Variants in KCNE3 observed in about 807,000 individuals in gnomAD.
The protein encoded by KCNE3 is potassium voltage-gated channel subfamily E regulatory subunit 3.
A neutral mutation model predicts 4.3 loss-of-function variants in KCNE3; 2 were observed. That is an observed-to-expected ratio of 0.47 (90% confidence interval 0.19 to 1.48). The LOEUF is 1.48. KCNE3 is among the 40% of genes most tolerant of loss of function. The probability of loss-of-function intolerance (pLI) is 0.25; values close to 1 mark genes in which losing one functional copy is unlikely to be tolerated. For synonymous variants in KCNE3, 47 were observed against 52.0 expected (o/e 0.90, Z 0.41); for missense variants, 128 against 136.8 (o/e 0.94, Z 0.32).
At chr11:74,458,820 C>T (rs1053782956) in intron 2 of KCNE3, among the ~76,000 whole-genome samples, 2 of 150,108 alleles carry the variant, frequency 1.3e-5, no homozygotes, top group Admixed American at 6.7e-5. Flanking sequence ...GGCCACAGAG[C>T]GTGACTTTGT....
At chr11:74,460,600 C>T (rs576999042) in intron 2 of KCNE3, among the ~76,000 whole-genome samples, 9 of 152,202 alleles carry the variant, frequency 5.9e-5, no homozygotes, top group African/African-American at 1.7e-4. Context: ...AAAGGCAGAA[C>T]AAGAAAGTGT....
rs1363347874 is a variant in KCNE3, at chr11:74,457,075, A to G, written c.*177T>C. ...TCCTGGGAAAAAATCCTTATGCACA[A>G]GGCTTCGGTCTACCAGCCCCTCTTC... On this transcript the variant is annotated 3_prime_UTR_variant, in exon 3 of 3. Transcript: ENST00000310128. 1 of 654,628 alleles carries G rather than the reference A, an allele frequency of 1.5e-6. No homozygotes were observed. The highest frequency in any genetic ancestry group is 2.7e-6 in the Non-Finnish European group (1 of 370,098). The allele number at this position is 654,628 out of a possible 1,614,324, so 40.6% of individuals were successfully genotyped here.
chr11:74,465,870 C>G (rs925306822), intron 1 of KCNE3, among the ~76,000 whole-genome samples: 4 of 152,184 alleles, frequency 2.6e-5, no homozygotes, highest in African/African-American at 9.7e-5. Flanking sequence ...CCTTTTCTGT[C>G]TCCACATCTT....
At chr11:74,463,380 G>A (rs1045736453) in intron 1 of KCNE3, among the ~76,000 whole-genome samples, 8 of 152,136 alleles carry the variant, frequency 5.3e-5, no homozygotes, top group Admixed American at 2.6e-4. Flanking sequence ...AGGGCCTCCT[G>A]TCTGCGTTAG....
At position 74,457,321 on chromosome 11, in the gene KCNE3, G is replaced by C; in HGVS notation, c.243C>G (p.Arg81=). The C allele has an allele frequency of 6.2e-7, 1 of 1,614,232 alleles. No individual in the cohort carries two copies. Among genetic ancestry groups the C allele is most frequent in the South Asian group, 1.1e-5 (1 of 91,090 alleles). ...CACTACGCTTGTCCACTTTGCGGGA[G>C]CGGGTGTATCCCAGGATGAGGCTGC... The part of the protein sequence containing the change: ...TVGSLILGYT[R]SRKVDKRSDP... The change falls in exon 3 of 3, where the codon CGC becomes CGG. Residue 81 remains arginine, a synonymous_variant. Transcript: ENST00000310128.
intron 2 of KCNE3, among the ~76,000 whole-genome samples, chr11:74,460,976 G>C (rs750922450): frequency 1.3e-5 from 2 of 152,104 alleles, no homozygotes; most frequent in Non-Finnish European, 2.9e-5. Flanking sequence ...AGAGACAGTC[G>C]TAAGACCTGA....
At position 74,455,535 on chromosome 11, in the gene KCNE3, A is replaced by G. The variant is rs1863790247; in HGVS notation, c.*1717T>C. The G allele has an allele frequency of 6.6e-6, 1 of 152,180 alleles. No homozygotes were observed. The highest frequency in any genetic ancestry group is 6.5e-5 in the Admixed American group (1 of 15,280). The allele number at this position is 152,180 out of a possible 1,614,324, so 9.4% of individuals were successfully genotyped here. The stretch of plus-strand genomic sequence containing the variant: ...TGTCAGAACTGATAGAGCCTTAGAG[A>G]CTTTCAAGTCTATTTCATTATGTTG... On this transcript the variant is annotated 3_prime_UTR_variant, in exon 3 of 3. Transcript: ENST00000310128.
chr11:74,456,166 A>G lies in KCNE3; in HGVS notation c.*1086T>C, dbSNP rs1026140671. The G allele has an allele frequency of 2.9e-5, 4 of 139,514 alleles. No homozygotes were observed. The highest frequency in any genetic ancestry group is 1.0e-4 in the African/African-American group (4 of 39,502). 8.6% of individuals were successfully genotyped at this position (139,514 alleles called of 1,614,324 possible). Reference sequence around the variant, plus strand: ...CCTGTCTCTACTTAAATATATATATATATATATATATATAAATTAACTGGG... The same window carrying G: ...CCTGTCTCTACTTAAATATATATATGTATATATATATATAAATTAACTGGG... On this transcript the variant is annotated 3_prime_UTR_variant, in exon 3 of 3. Transcript: ENST00000310128.
intron 2 of KCNE3, among the ~76,000 whole-genome samples, chr11:74,458,701 T>G (rs1029902123): frequency 1.3e-5 from 2 of 151,884 alleles, no homozygotes; most frequent in Non-Finnish European, 2.9e-5. Context: ...GGCGTGGTGG[T>G]GAGCGCTTGG....
chr11:74,461,120 T>C (rs780683887), intron 2 of KCNE3, among the ~76,000 whole-genome samples: 23 of 152,112 alleles, frequency 1.5e-4, no homozygotes, highest in Non-Finnish European at 2.8e-4. Flanking sequence ...TGGGTGGGCT[T>C]TGGTTTCCTC....
In KCNE3 at chr11:74,457,493, G is replaced by A. The variant is rs1217397704; in HGVS notation, c.71C>T (p.Thr24Ile). ...CCGGCAGAGCAAATTGCTGTGAAGA[G>A]TGGCATTTAGAGCCTTCAGCACGGC... ...LHAVLKALNA[T>I]LHSNLLCRPG... The change falls in exon 3 of 3, where the codon ACT (threonine) becomes ATT (isoleucine). Residue 24 changes from threonine (T) to isoleucine (I), a missense_variant. Thr to Ile is a moderately conservative substitution (Grantham distance 89). Transcript: ENST00000310128. The A allele has an allele frequency of 6.2e-7, 1 of 1,614,248 alleles. No individual in the cohort carries two copies. The highest frequency in any genetic ancestry group is 2.2e-5 in the East Asian group (1 of 44,888).
chr11:74,457,081 CG>C lies in KCNE3; in HGVS notation c.*170del. The stretch of plus-strand genomic sequence containing the variant: ...GAAAAAATCCTTATGCACAAGGCTT[CG>C]GTCTACCAGCCCCTCTTCTCCCACC... On this transcript the variant is annotated 3_prime_UTR_variant, in exon 3 of 3. Transcript: ENST00000310128. The C allele has an allele frequency of 1.5e-6, 1 of 674,398 alleles. No individual in the cohort carries two copies. Among genetic ancestry groups the C allele is most frequent in the South Asian group, 1.7e-5 (1 of 58,090 alleles). 41.8% of individuals were successfully genotyped at this position (674,398 alleles called of 1,614,324 possible). A position where few individuals can be genotyped will look rare whatever the true frequency, so the allele number is the denominator to read the frequency against.
chr11:74,463,614 G>C (rs752145420), intron 1 of KCNE3, among the ~76,000 whole-genome samples: 2 of 152,084 alleles, frequency 1.3e-5, no homozygotes, highest in Non-Finnish European at 2.9e-5. Context: ...TAGAAGATAG[G>C]CCAGTGAGGA....
At position 74,457,566 on chromosome 11, in the gene KCNE3, C is replaced by A. The variant is rs375178718; in HGVS notation, c.-3G>T. 2.9e-5 allele frequency: 47 copies of A among 1,613,892 alleles called. No individual in the cohort carries two copies. The South Asian group carries it at 4.6e-4, about 16-fold the overall frequency. On this transcript the variant is annotated 5_prime_UTR_variant, in exon 3 of 3. Transcript: ENST00000310128. ...TCCGTTCCATTGGTAGTCTCCATAGCAACAGGGATTGAGGTGGGGGAAGAC... is the reference window on the plus strand; with the variant it reads ...TCCGTTCCATTGGTAGTCTCCATAGAAACAGGGATTGAGGTGGGGGAAGAC...
At chr11:74,463,484 A>G (rs1017383203) in intron 1 of KCNE3, among the ~76,000 whole-genome samples, 9 of 152,072 alleles carry the variant, frequency 5.9e-5, no homozygotes, top group Non-Finnish European at 1.2e-4. Flanking sequence ...AGTCAGCAAC[A>G]GGGGAGTTTT....
chr11:74,457,512 G>A lies in KCNE3; in HGVS notation c.52C>T (p.Leu18=), dbSNP rs918843154. 2 of 1,614,202 alleles carry A rather than the reference G, an allele frequency of 1.2e-6. No individual in the cohort carries two copies. Among genetic ancestry groups the A allele is most frequent in the African/African-American group, 1.3e-5 (1 of 75,062 alleles). ...ETWYESLHAV[L]KALNATLHSN... is the part of the protein sequence containing the mutation. ...TGAAGAGTGGCATTTAGAGCCTTCA[G>A]CACGGCATGCAGGCTCTCATACCAG... is the stretch of plus-strand genomic sequence containing the variant. Residue 18 remains leucine (L), a synonymous_variant, in exon 3 of 3, where the codon CTG becomes TTG. Coordinates refer to ENST00000310128, the MANE Select transcript of KCNE3 (RefSeq NM_005472.5).
chr11:74,465,042 G>C (rs1490971869), intron 1 of KCNE3, among the ~76,000 whole-genome samples: 2 of 151,730 alleles, frequency 1.3e-5, no homozygotes, highest in African/African-American at 2.4e-5. Flanking sequence ...TCTCCCTCTT[G>C]TTTTTTCCCA....
chr11:74,464,667 C>T (rs115150315), intron 1 of KCNE3, among the ~76,000 whole-genome samples: 186 of 152,284 alleles, frequency 1.2e-3, no homozygotes, highest in African/African-American at 4.1e-3. Flanking sequence ...AGCCAGAAAC[C>T]AAGTATCTTG....
In KCNE3 at chr11:74,457,367, A is replaced by G; in HGVS notation, c.197T>C (p.Phe66Ser). ...GCTGCCCACAGTTACAGCAAATAGA[A>G]ACATGACAAAGAGAATGTACATGTA... ...NSYMYILFVMFLFAVTVGSLI... is the reference protein window; with the variant it reads ...NSYMYILFVMSLFAVTVGSLI... The change falls in exon 3 of 3, where the codon TTT (phenylalanine) becomes TCT (serine). Residue 66 changes from phenylalanine to serine, a missense_variant. Transcript: ENST00000310128. The G allele has an allele frequency of 6.2e-7, 1 of 1,614,226 alleles. No individual in the cohort carries two copies. The highest frequency in any genetic ancestry group is 8.5e-7 in the Non-Finnish European group (1 of 1,180,032).
Sources: allele counts gnomAD v4.1 joint callset (sites outside exome capture counted in the v4.1 genomes callset), GRCh38; gene constraint gnomAD v4.1.1; transcripts MANE v1.5; gene names NCBI Gene and HGNC (gene_info 2026-07-23, HGNC 2026-07-21).